EPHA7: variants seen among roughly 807,000 people sequenced by gnomAD.
The protein encoded by EPHA7 is EPH receptor A7, also known as ephrin type-A receptor 7.
In EPHA7, 25 loss-of-function variants were observed where a neutral mutation model predicts 112.6. That is an observed-to-expected ratio of 0.22 (90% CI 0.16 to 0.31). The LOEUF (loss-of-function observed/expected upper bound fraction) is 0.31, where lower values mean the gene tolerates loss of function less well. Among genes scored for constraint, EPHA7 ranks in the 10% least tolerant of loss-of-function variants. The probability of loss-of-function intolerance (pLI) is 1.00; values close to 1 mark genes in which losing one functional copy is unlikely to be tolerated. For missense variants in EPHA7, 962 were observed against 1,212.6 expected, an observed-to-expected ratio of 0.79 and a Z score of 3.07; for synonymous variants, 437 against 406.5, an observed-to-expected ratio of 1.07 and a Z score of -0.90.
intron 3 of EPHA7, among the ~76,000 whole-genome samples, chr6:93,382,012 CA>C (rs1002987479): frequency 6.6e-6 from 1 of 152,174 alleles, no homozygotes; most frequent in Non-Finnish European, 1.5e-5. Context: ...CTAAGAATTA[CA>C]TAAAAAGAAT....
rs184471651 is a variant in EPHA7 at position 93,246,987 on chromosome 6, T to C, written c.2533-2A>G. ...ACCTTCTTCTATTGCTTTTATAACC[T>C]AATAGCCAAAAGGACATTACAAATA... On this transcript the variant is annotated splice_acceptor_variant, in intron 14 of 16. Coordinates refer to ENST00000369303, the MANE Select transcript of EPHA7 (RefSeq NM_004440.4). LOFTEE classifies it high-confidence loss of function. 2 of 1,570,786 alleles carry C rather than the reference T, an allele frequency of 1.3e-6. No homozygotes were observed. The highest frequency in any genetic ancestry group is 1.7e-5 in the Admixed American group (1 of 58,376).
intron 3 of EPHA7, among the ~76,000 whole-genome samples, chr6:93,360,503 A>G (rs1009259262): frequency 6.6e-6 from 1 of 152,084 alleles, no homozygotes; most frequent in African/African-American, 2.4e-5. Context: ...TTACAGGGCA[A>G]GGAGGTTATG....
chr6:93,257,575 A>G (rs763714282), intron 11 of EPHA7, 52 bp from the exon 12 acceptor site: 4 of 1,200,194 alleles, frequency 3.3e-6, no homozygotes, highest in Admixed American at 3.9e-5. Context: ...CTGGAGGGTC[A>G]TTTCCTTTCT....
intron 16 of EPHA7, 51 bp downstream of exon 16, chr6:93,245,247 T>C: frequency 6.6e-7 from 1 of 1,507,220 alleles, no homozygotes; most frequent in South Asian, 1.2e-5. Context: ...GTATAAAGTG[T>C]AGATTGTACC....
At chr6:93,311,397 C>T (rs1374254980) in intron 5 of EPHA7, among the ~76,000 whole-genome samples, 1 of 152,110 alleles carries the variant, frequency 6.6e-6, no homozygotes, top group Admixed American at 6.6e-5. Context: ...CAACAATATT[C>T]AAAGAGTCTC....
chr6:93,287,248 CTCTTT>C (rs1434293197), intron 5 of EPHA7, among the ~76,000 whole-genome samples: 1 of 152,162 alleles, frequency 6.6e-6, no homozygotes, highest in Non-Finnish European at 1.5e-5. Flanking sequence ...GCTGGGGAAT[CTCTTT>C]TCTTCACTGT....
intron 5 of EPHA7, among the ~76,000 whole-genome samples, chr6:93,331,624 C>A (rs1774597148): frequency 6.6e-6 from 1 of 151,432 alleles, no homozygotes; most frequent in African/African-American, 2.4e-5. Context: ...AGGAAATCAT[C>A]TGAATACCTA....
At chr6:93,263,730 T>A in intron 9 of EPHA7, 130 bp downstream of exon 9, 1 of 573,044 alleles carries the variant, frequency 1.7e-6, no homozygotes, top group Non-Finnish European at 3.0e-6. Context: ...TCAAATGCTT[T>A]AAAGCAACAT....
chr6:93,272,382 C>T lies in EPHA7; in HGVS notation c.1365G>A (p.Leu455=), dbSNP rs34302170. 6.7e-3 allele frequency: 10,830 copies of T among 1,612,084 alleles called. 603 individuals carry two copies. In the African/African-American group the frequency reaches 0.12, roughly 18 times the overall value. ...QVSGVMKERV[L]QRSVELSWQE... ...GCCAGGAAAGCTCGACACTCCGCTGCAGTACTCTCTCCTTCATTACTCCAC... is the reference window on the plus strand; with the variant it reads ...GCCAGGAAAGCTCGACACTCCGCTGTAGTACTCTCTCCTTCATTACTCCAC... The change falls in exon 6 of 17, where the codon CTG becomes CTA. Residue 455 remains leucine, a synonymous_variant. Transcript: ENST00000369303.
At chr6:93,277,699 T>C (rs981816762) in intron 5 of EPHA7, among the ~76,000 whole-genome samples, 7 of 152,024 alleles carry the variant, frequency 4.6e-5, no homozygotes, top group Non-Finnish European at 8.8e-5. Context: ...GTTATTTGCA[T>C]TGCTATCTAC....
At chr6:93,318,761 C>A (rs1189373098) in intron 5 of EPHA7, among the ~76,000 whole-genome samples, 1 of 152,044 alleles carries the variant, frequency 6.6e-6, no homozygotes, top group Non-Finnish European at 1.5e-5. Flanking sequence ...AGGCAGCAAT[C>A]ATTTGTCAGC....
chr6:93,310,811 T>G (rs1773494905), intron 5 of EPHA7, among the ~76,000 whole-genome samples: 1 of 152,200 alleles, frequency 6.6e-6, no homozygotes, highest in Non-Finnish European at 1.5e-5. Flanking sequence ...ATATTTTTGC[T>G]GATGAGGGGG....
chr6:93,300,046 T>C (rs1772897355), intron 5 of EPHA7, among the ~76,000 whole-genome samples: 1 of 152,086 alleles, frequency 6.6e-6, no homozygotes, highest in South Asian at 2.1e-4. Flanking sequence ...ATCTGGGTGA[T>C]GAAATAATCT....
At chr6:93,308,187 C>T (rs529994673) in intron 5 of EPHA7, among the ~76,000 whole-genome samples, 2 of 152,150 alleles carry the variant, frequency 1.3e-5, no homozygotes, top group East Asian at 3.9e-4. Context: ...GAGTGACATG[C>T]TTACATGATA....
intron 5 of EPHA7, among the ~76,000 whole-genome samples, chr6:93,300,876 T>C (rs558501671): frequency 5.2e-4 from 79 of 152,262 alleles, no homozygotes; most frequent in African/African-American, 1.7e-3. Flanking sequence ...TTACACAAAC[T>C]GAGATAGTAC....
rs1056840976 is a variant in EPHA7 at position 93,358,402 on chromosome 6, C to A, written c.842G>T (p.Arg281Leu). ...QKGDTCEPCG[R>L]GFYKSSSQDL... ...TTGAGAGGAAGACTTGTAGAACCCA[C>A]GGCCACAGGCTGGGAATGCAAAAGA... Residue 281 changes from arginine to leucine, a missense_variant, in exon 4 of 17, where the codon CGT becomes CTT. Physicochemically the swap from Arg to Leu is moderately radical, Grantham distance 102 (BLOSUM62 -2). This residue lies in a region of EPHA7 where 746 missense variants were observed against 889.2 expected (regional missense o/e 0.84). Coordinates refer to ENST00000369303, the MANE Select transcript of EPHA7 (RefSeq NM_004440.4). 6 of 1,604,800 alleles carry A rather than the reference C, an allele frequency of 3.7e-6. No homozygotes were observed. In the African/African-American group the frequency reaches 6.7e-5, roughly 18 times the overall value.
chr6:93,351,545 T>C (rs1435928628), intron 5 of EPHA7, among the ~76,000 whole-genome samples: 1 of 152,108 alleles, frequency 6.6e-6, no homozygotes, highest in Non-Finnish European at 1.5e-5. Context: ...GTAGTATATG[T>C]ACAGTATCAC....
At chr6:93,414,632 A>G in intron 2 of EPHA7, 71 bp downstream of exon 2, 2 of 1,155,822 alleles carry the variant, frequency 1.7e-6, no homozygotes, top group Admixed American at 1.8e-5. Context: ...GTGAATAATT[A>G]CCCTGGAGGG....
At chr6:93,286,377 A>G (rs754150439) in intron 5 of EPHA7, among the ~76,000 whole-genome samples, 4 of 152,194 alleles carry the variant, frequency 2.6e-5, no homozygotes, top group Admixed American at 1.3e-4. Context: ...CCAGTAAGCT[A>G]TGGAAATCTT....
Sources: gnomAD v4.1 joint callset for allele counts (sites outside exome capture counted in the v4.1 genomes callset) on GRCh38, gnomAD v4.1.1 for gene constraint, gnomAD v4.1.1 regional missense constraint, MANE v1.5 for transcripts, NCBI Gene and HGNC (gene_info 2026-07-23, HGNC 2026-07-21) for gene names.